GRIN3A: variants seen among roughly 807,000 people sequenced by gnomAD.
The protein encoded by GRIN3A is glutamate ionotropic receptor NMDA type subunit 3A.
A neutral mutation model predicts 92.4 loss-of-function variants in GRIN3A; 47 were observed. The ratio of observed to expected loss-of-function variants is 0.51; its 90% CI spans 0.40 to 0.65. The LOEUF (loss-of-function observed/expected upper bound fraction) is 0.65. Among genes scored for constraint, GRIN3A ranks in the 30% least tolerant of loss-of-function variants. The pLI is 0.00. For missense variants in GRIN3A, 1,324 were observed against 1,393.1 expected, an observed-to-expected ratio of 0.95 and a Z score of 0.79; for synonymous variants, 527 against 540.6, an observed-to-expected ratio of 0.97 and a Z score of 0.35.
At chr9:101,606,777 C>T (rs939747696) in intron 6 of GRIN3A, among the ~76,000 whole-genome samples, 1 of 152,050 alleles carries the variant, frequency 6.6e-6, no homozygotes, top group Non-Finnish European at 1.5e-5. Flanking sequence ...TTTTAGTAAT[C>T]CCTTGAAGAA....
intron 3 of GRIN3A, among the ~76,000 whole-genome samples, chr9:101,658,553 A>G (rs1182103607): frequency 6.6e-6 from 1 of 151,504 alleles, no homozygotes; most frequent in Admixed American, 6.6e-5. Context: ...TTAAGGAAAC[A>G]TTGATAGGTT....
At chr9:101,701,762 A>G (rs182197835) in intron 1 of GRIN3A, among the ~76,000 whole-genome samples, 366 of 152,324 alleles carry the variant, frequency 2.4e-3, no homozygotes, top group African/African-American at 8.0e-3. Context: ...GTAAACAGAC[A>G]ACATACAGAA....
intron 3 of GRIN3A, among the ~76,000 whole-genome samples, chr9:101,637,421 G>A (rs938324139): frequency 2.6e-5 from 4 of 152,132 alleles, no homozygotes; most frequent in African/African-American, 9.7e-5. Flanking sequence ...GCATAAACTA[G>A]AAGAGAGATG....
intron 1 of GRIN3A, among the ~76,000 whole-genome samples, chr9:101,713,293 A>G (rs1829904391): frequency 6.6e-6 from 1 of 152,202 alleles, no homozygotes; most frequent in Non-Finnish European, 1.5e-5. Context: ...GAAGAATTAG[A>G]CATTCACCCC....
At chr9:101,595,244 T>C (rs1331011997) in intron 6 of GRIN3A, among the ~76,000 whole-genome samples, 2 of 151,894 alleles carry the variant, frequency 1.3e-5, no homozygotes, top group Non-Finnish European at 2.9e-5. Flanking sequence ...CCCTTCTCTT[T>C]TTCCTTCTCT....
intron 3 of GRIN3A, among the ~76,000 whole-genome samples, chr9:101,635,153 C>T (rs991231078): frequency 6.6e-6 from 1 of 152,184 alleles, no homozygotes; most frequent in Non-Finnish European, 1.5e-5. Context: ...AATCTCTAGT[C>T]AACAACATTC....
chr9:101,684,729 T>G, intron 2 of GRIN3A, among the ~76,000 whole-genome samples: 1 of 152,140 alleles, frequency 6.6e-6, no homozygotes, highest in East Asian at 1.9e-4. Flanking sequence ...TCTCTGTAGT[T>G]TCTAAACGTT....
chr9:101,669,051 G>C (rs1829279307), intron 3 of GRIN3A, among the ~76,000 whole-genome samples: 2 of 152,114 alleles, frequency 1.3e-5, no homozygotes, highest in African/African-American at 4.8e-5. Flanking sequence ...TTTAGACATG[G>C]TATGTCCTGA....
intron 5 of GRIN3A, among the ~76,000 whole-genome samples, chr9:101,617,619 T>A (rs866719686): frequency 2.7e-4 from 40 of 146,466 alleles, no homozygotes; most frequent in African/African-American, 9.8e-4. Context: ...TATTTTATTT[T>A]ATTTATTTAT....
intron 5 of GRIN3A, among the ~76,000 whole-genome samples, chr9:101,622,426 A>T (rs986651377): frequency 6.6e-6 from 1 of 152,160 alleles, no homozygotes; most frequent in African/African-American, 2.4e-5. Flanking sequence ...GGAGAAGTGA[A>T]ATTTGCTGGT....
At chr9:101,636,737 T>C (rs1381032767) in intron 3 of GRIN3A, among the ~76,000 whole-genome samples, 1 of 152,218 alleles carries the variant, frequency 6.6e-6, no homozygotes, top group African/African-American at 2.4e-5. Context: ...TGCCAGTTTA[T>C]AGAATTAAAA....
In GRIN3A at chr9:101,570,615, T is replaced by G. The variant is rs993985650; in HGVS notation, c.*2559A>C. ...GCTGTCAGCCCCTGCTGCTGCTTGCTGCATCCTGGCCAGTGTTTTGGCCAG... is the reference window on the plus strand; with the variant it reads ...GCTGTCAGCCCCTGCTGCTGCTTGCGGCATCCTGGCCAGTGTTTTGGCCAG... On this transcript the variant is annotated 3_prime_UTR_variant, in exon 9 of 9. Transcript: ENST00000361820. 6.6e-6 allele frequency: 1 copy of G among 152,656 alleles called. No homozygotes were observed. Among genetic ancestry groups the G allele is most frequent in the African/African-American group, 2.4e-5 (1 of 41,460 alleles). The allele number at this position is 152,656 out of a possible 1,614,324, so 9.5% of individuals were successfully genotyped here.
intron 3 of GRIN3A, among the ~76,000 whole-genome samples, chr9:101,664,938 G>A (rs1829219267): frequency 6.6e-6 from 1 of 151,876 alleles, no homozygotes; most frequent in South Asian, 2.1e-4. Flanking sequence ...GACAGACGGT[G>A]TATAAATACA....
chr9:101,698,539 A>G (rs947239181), intron 1 of GRIN3A, among the ~76,000 whole-genome samples: 12 of 152,198 alleles, frequency 7.9e-5, no homozygotes, highest in African/African-American at 2.9e-4. Flanking sequence ...CCTAGGCTAC[A>G]TAGTATAACC....
chr9:101,612,375 G>A (rs1024356082), intron 6 of GRIN3A, among the ~76,000 whole-genome samples: 13 of 152,312 alleles, frequency 8.5e-5, no homozygotes, highest in African/African-American at 3.1e-4. Context: ...TTACCAAGAT[G>A]TGAGGCACAG....
intron 3 of GRIN3A, among the ~76,000 whole-genome samples, chr9:101,643,570 A>G (rs1310406421): frequency 6.6e-6 from 1 of 152,018 alleles, no homozygotes; most frequent in Non-Finnish European, 1.5e-5. Context: ...AAGGAACTGA[A>G]ATCAGTAACT....
rs1390790145 is a variant in GRIN3A at position 101,635,468 on chromosome 9, CT to C, written c.2353-7068del. On this transcript the variant is annotated intron_variant, in intron 3 of 8. Coordinates refer to ENST00000361820, the MANE Select transcript of GRIN3A (RefSeq NM_133445.3). ...CCAAACAGGAAATGTTTGCTGTCCC[CT>C]GATATAGACAATTTGAATCTAACTA... 5.3e-5 allele frequency among the ~76,000 whole-genome samples: 8 copies of C among 152,312 alleles called. No individual in the cohort carries two copies. The East Asian group carries it at 1.5e-3, about 29-fold the overall frequency.
chr9:101,601,037 G>A (rs1454198945), intron 6 of GRIN3A: 1 of 152,168 alleles, frequency 6.6e-6, no homozygotes, highest in Non-Finnish European at 1.5e-5. Context: ...AGAACTATAA[G>A]AACTCAGAGA....
intron 1 of GRIN3A, among the ~76,000 whole-genome samples, chr9:101,703,158 ACACTTCAATAGCTTC>A (rs921199321): frequency 2.0e-5 from 3 of 152,316 alleles, no homozygotes; most frequent in African/African-American, 7.2e-5. Context: ...TTTGCTTAAA[ACACTTCAATAGCTTC>A]CTCATTGCAA....
Sources: gnomAD v4.1 joint callset for allele counts (sites outside exome capture counted in the v4.1 genomes callset) on GRCh38, gnomAD v4.1.1 for gene constraint, MANE v1.5 for transcripts, NCBI Gene and HGNC (gene_info 2026-07-23, HGNC 2026-07-21) for gene names.